Variants in CELF2 observed in about 807,000 individuals in gnomAD.
The protein encoded by CELF2 is CUGBP Elav-like family member 2.
In CELF2, 8 loss-of-function variants were observed where a neutral mutation model predicts 62.6. The ratio of observed to expected loss-of-function variants is 0.13; its 90% CI spans 0.07 to 0.23. The LOEUF (loss-of-function observed/expected upper bound fraction) is 0.23. Ranked by LOEUF, CELF2 falls within the 10% of genes least tolerant of loss-of-function variation. CELF2 has a pLI of 1.00. For synonymous variants in CELF2, 258 were observed against 250.0 expected, an observed-to-expected ratio of 1.03 and a Z score of -0.30; for missense variants, 333 against 671.0, an observed-to-expected ratio of 0.50 and a Z score of 5.56.
At chr10:10,477,770 C>CAAAAAA in the CELF2 span, among the ~76,000 whole-genome samples, 1 of 119,288 alleles carries the variant, frequency 8.4e-6, no homozygotes, top group Non-Finnish European at 1.8e-5. Flanking sequence ...CCTGCAACAC[C>CAAAAAA]AAAAAAAAAA....
chr10:11,148,823 T>C lies in CELF2; in HGVS notation c.75-16663T>C, dbSNP rs571972501. ...GCCAAGCTAGTTGCCCTTGTTGTTA[T>C]CGATTATTATCTTAAACCAAACACA... On this transcript the variant is annotated intron_variant, in intron 1 of 12. Transcript: ENST00000633077. 2.7e-5 allele frequency among the ~76,000 whole-genome samples: 4 copies of C among 146,742 alleles called. 1 individual carries two copies. In the East Asian group the frequency reaches 5.8e-4, roughly 21 times the overall value.
chr10:11,251,139 C>T (rs551834417), intron 4 of CELF2, among the ~76,000 whole-genome samples: 44 of 152,150 alleles, frequency 2.9e-4, no homozygotes, highest in South Asian at 2.1e-3. Flanking sequence ...AGGACAAGGA[C>T]CATGAAGTGA....
At chr10:10,680,642 T>C in the CELF2 span, among the ~76,000 whole-genome samples, 1 of 152,204 alleles carries the variant, frequency 6.6e-6, no homozygotes, top group East Asian at 1.9e-4. Context: ...CAAAAATCAC[T>C]TGGATAGCGC....
At chr10:10,477,281 A>G in the CELF2 span, among the ~76,000 whole-genome samples, 1 of 152,174 alleles carries the variant, frequency 6.6e-6, no homozygotes, top group Admixed American at 6.6e-5. Flanking sequence ...TACATTTATC[A>G]TATTTTTAAA....
the CELF2 span, among the ~76,000 whole-genome samples, chr10:10,716,231 T>C: frequency 6.6e-6 from 1 of 152,182 alleles, no homozygotes; most frequent in African/African-American, 2.4e-5. Flanking sequence ...TTCTAACATA[T>C]AATAAGTACT....
chr10:10,770,613 C>T, the CELF2 span, among the ~76,000 whole-genome samples: 1 of 152,066 alleles, frequency 6.6e-6, no homozygotes, highest in Non-Finnish European at 1.5e-5. Context: ...ATATGAGGTT[C>T]AGATTATTCT....
chr10:11,164,663 CTTTT>C (rs536182158), intron 1 of CELF2, among the ~76,000 whole-genome samples: 1 of 141,210 alleles, frequency 7.1e-6, no homozygotes. Flanking sequence ...TCTGGGGCTG[CTTTT>C]TTTTTTTTTT....
intron 1 of CELF2, among the ~76,000 whole-genome samples, chr10:11,040,697 A>G (rs1177462889): frequency 6.6e-6 from 1 of 151,460 alleles, no homozygotes; most frequent in African/African-American, 2.4e-5. Context: ...TTATATCCCC[A>G]CTCATGGAAA....
chr10:10,510,523 T>C, the CELF2 span, among the ~76,000 whole-genome samples: 2 of 152,330 alleles, frequency 1.3e-5, no homozygotes, highest in East Asian at 3.9e-4. Context: ...ATTTCATCAA[T>C]GTAGTGGTTT....
intron 1 of CELF2, among the ~76,000 whole-genome samples, chr10:10,817,612 A>G (rs2056588122): frequency 6.6e-6 from 1 of 152,114 alleles, no homozygotes; most frequent in Admixed American, 6.5e-5. Context: ...CATTTAACAT[A>G]ATGATCTCCA....
the CELF2 span, among the ~76,000 whole-genome samples, chr10:10,526,218 T>A: frequency 6.6e-6 from 1 of 152,226 alleles, no homozygotes; most frequent in Non-Finnish European, 1.5e-5. Flanking sequence ...GCTCAAACTA[T>A]CACTGCAAAG....
At chr10:10,514,678 A>C in the CELF2 span, among the ~76,000 whole-genome samples, 1 of 152,096 alleles carries the variant, frequency 6.6e-6, no homozygotes, top group Non-Finnish European at 1.5e-5. Flanking sequence ...ATGAGGTTGG[A>C]AATAGTCGGT....
chr10:10,818,765 A>T (rs1185908929), intron 1 of CELF2, among the ~76,000 whole-genome samples: 3 of 151,918 alleles, frequency 2.0e-5, no homozygotes, highest in African/African-American at 7.3e-5. Flanking sequence ...TTTAGTAGAG[A>T]TGGGGTTTCC....
the CELF2 span, among the ~76,000 whole-genome samples, chr10:10,565,388 C>T: frequency 6.6e-6 from 1 of 152,174 alleles, no homozygotes; most frequent in African/African-American, 2.4e-5. Flanking sequence ...AGGGATAGAC[C>T]CCTGCAAAGG....
chr10:11,317,805 C>G (rs1001415993), intron 10 of CELF2: 1 of 152,266 alleles, frequency 6.6e-6, no homozygotes, highest in Non-Finnish European at 1.5e-5. Flanking sequence ...AGAAGAAACT[C>G]AGTAGTCAGG....
At chr10:10,611,724 T>A in the CELF2 span, among the ~76,000 whole-genome samples, 1 of 152,180 alleles carries the variant, frequency 6.6e-6, no homozygotes, top group Non-Finnish European at 1.5e-5. Flanking sequence ...GTACATACAC[T>A]CAAATACTCA....
chr10:10,602,390 T>C, the CELF2 span, among the ~76,000 whole-genome samples: 12 of 152,300 alleles, frequency 7.9e-5, no homozygotes, highest in South Asian at 2.5e-3. Context: ...CTCTTACTCA[T>C]GTGTAGTCCC....
the CELF2 span, among the ~76,000 whole-genome samples, chr10:10,727,278 C>A: frequency 1.3e-5 from 2 of 152,184 alleles, no homozygotes; most frequent in Non-Finnish European, 1.5e-5. Flanking sequence ...CTAAGGGTTT[C>A]ATCTGTTTGC....
At chr10:10,480,336 T>A in the CELF2 span, among the ~76,000 whole-genome samples, 2 of 152,158 alleles carry the variant, frequency 1.3e-5, no homozygotes, top group Admixed American at 1.3e-4. Flanking sequence ...TAACTTAGCA[T>A]AATAACCAGG....
Sources: gnomAD v4.1 joint callset for allele counts (sites outside exome capture counted in the v4.1 genomes callset) on GRCh38, gnomAD v4.1.1 for gene constraint, MANE v1.5 for transcripts, NCBI Gene and HGNC (gene_info 2026-07-23, HGNC 2026-07-21) for gene names.